The following SSB variants were observed in gnomAD, a reference collection of about 807,000 sequenced individuals.
SSB encodes the protein small RNA binding exonuclease protection factor La, also known as lupus La protein.
A neutral mutation model predicts 52.9 loss-of-function variants in SSB; 17 were observed. That is an observed-to-expected ratio of 0.32 (90% CI 0.22 to 0.48). The LOEUF is 0.48. SSB is among the 20% of genes least tolerant of loss of function. The pLI is 0.99. For missense variants in SSB, 314 were observed against 463.6 expected (o/e 0.68, Z 2.96); for synonymous variants, 111 against 152.1 (o/e 0.73, Z 1.99).
rs775290380 is a variant in SSB at position 169,807,006 on chromosome 2, T to C, written c.489T>C (p.Ser163=). Residue 163 remains serine, a synonymous_variant, in exon 6 of 12, where the codon TCT becomes TCC. Transcript: ENST00000260956. ...TTGTTGTGTTTGATAGCATTGAATC[T>C]GCTAAGAAATTTGTAGAGACCCCTG... ...SIFVVFDSIE[S]AKKFVETPGQ... 2.5e-6 allele frequency: 4 copies of C among 1,614,050 alleles called. No homozygotes were observed. Among genetic ancestry groups the C allele is most frequent in the East Asian group, 4.5e-5 (2 of 44,832 alleles).
At position 169,806,845 on chromosome 2, in the gene SSB, C is replaced by G; in HGVS notation, c.406C>G (p.Gln136Glu). 6.2e-7 allele frequency: 1 copy of G among 1,613,318 alleles called. No individual in the cohort carries two copies. Among genetic ancestry groups the G allele is most frequent in the Non-Finnish European group, 8.5e-7 (1 of 1,179,744 alleles). The change falls in exon 5 of 12, where the codon CAA (glutamine) becomes GAA (glutamate). Residue 136 changes from glutamine to glutamate, a missense_variant. Gln to Glu is a conservative substitution (Grantham distance 29). Transcript: ENST00000260956. ...DIKEWLEDKG[Q>E]VLNIQMRRTL... ...AAAAGAATGGTTAGAAGATAAAGGT[C>G]AAGTACTAAATATTCAGATGAGAAG...
Position 169,806,827 on chromosome 2 carries a change from T to C in SSB, c.388T>C (p.Trp130Arg). 1 of 1,613,160 alleles carries C rather than the reference T, an allele frequency of 6.2e-7. No homozygotes were observed. The highest frequency in any genetic ancestry group is 8.5e-7 in the Non-Finnish European group (1 of 1,179,722). ...TGCAACTCTTGATGACATAAAAGAA[T>C]GGTTAGAAGATAAAGGTCAAGTACT... Reference protein sequence around the residue: ...TDATLDDIKEWLEDKGQVLNI... With the variant: ...TDATLDDIKERLEDKGQVLNI... The change falls in exon 5 of 12, where the codon TGG (tryptophan) becomes CGG (arginine). Residue 130 changes from tryptophan to arginine, a missense_variant. By Grantham distance (101) the Trp-to-Arg change is moderately radical. Transcript: ENST00000260956.
intron 4 of SSB, 185 bp downstream of exon 4, chr2:169,806,024 G>A (rs1689822973): frequency 2.9e-6 from 2 of 679,724 alleles, no homozygotes; most frequent in Non-Finnish European, 5.2e-6. Flanking sequence ...ACGTTGGAGT[G>A]CAGTGGTGTG....
At chr2:169,801,428 C>T (rs1432437082) in intron 2 of SSB, among the ~76,000 whole-genome samples, 1 of 151,802 alleles carries the variant, frequency 6.6e-6, no homozygotes, top group East Asian at 1.9e-4. Flanking sequence ...AAAGTACCTT[C>T]CCTGTTAAAT....
rs767282588 is a variant in SSB, at chr2:169,810,364, A to G, written c.751A>G (p.Ile251Val). 2 of 1,610,598 alleles carry G rather than the reference A, an allele frequency of 1.2e-6. No individual in the cohort carries two copies. Among genetic ancestry groups the G allele is most frequent in the South Asian group, 2.2e-5 (2 of 90,242 alleles). The change falls in exon 9 of 12, where the codon ATA (isoleucine) becomes GTA (valine). Residue 251 changes from isoleucine (I) to valine (V), a missense_variant. Coordinates refer to ENST00000260956, the MANE Select transcript of SSB (RefSeq NM_003142.5). ...DDQTCREDLH[I>V]LFSNHGEIKW... ...TCAGACCTGTAGAGAAGATTTACACATACTTTTCTCAAATCATGGTGAAAT... is the reference window on the plus strand; with the variant it reads ...TCAGACCTGTAGAGAAGATTTACACGTACTTTTCTCAAATCATGGTGAAAT...
At chr2:169,810,787 C>A in intron 9 of SSB, 71 bp from the exon 10 acceptor site, 1 of 1,470,122 alleles carries the variant, frequency 6.8e-7, no homozygotes, top group Non-Finnish European at 9.2e-7. Flanking sequence ...GAAAAAATTA[C>A]TTTGGACAAA....
chr2:169,811,218 GCTGCCCAGC>G lies in SSB; in HGVS notation c.1037_1045del (p.Ala346_Pro348del). On this transcript the variant is annotated inframe_deletion, in exon 11 of 12. Coordinates refer to ENST00000260956, the MANE Select transcript of SSB (RefSeq NM_003142.5). The stretch of plus-strand genomic sequence containing the variant: ...TAAAGGAAAAGGAAAGGGTAATAAA[GCTGCCCAGC>G]CTGGGTCTGGTAAAGGAAAAGTACA... The G allele has an allele frequency of 1.2e-6, 2 of 1,611,966 alleles. No individual in the cohort carries two copies. Among genetic ancestry groups the G allele is most frequent in the Non-Finnish European group, 1.7e-6 (2 of 1,179,616 alleles).
chr2:169,810,101 TTTATTA>T (rs1036749587), intron 8 of SSB, 176 bp from the exon 9 acceptor site: 3 of 350,236 alleles, frequency 8.6e-6, no homozygotes, highest in Admixed American at 4.6e-5. Flanking sequence ...ACTTTATTTA[TTTATTA>T]TTATTATTAT....
intron 1 of SSB, among the ~76,000 whole-genome samples, chr2:169,799,695 C>A (rs1689668104): frequency 6.6e-6 from 1 of 151,672 alleles, no homozygotes; most frequent in Non-Finnish European, 1.5e-5. Flanking sequence ...ATAGACAAGA[C>A]AATGCATAAA....
chr2:169,811,699 CAAAG>C lies in SSB; in HGVS notation c.1173_1176del (p.Glu392AsnfsTer28). On this transcript the variant is annotated frameshift_variant, in exon 12 of 12. Coordinates refer to ENST00000260956, the MANE Select transcript of SSB (RefSeq NM_003142.5). LOFTEE classifies it high-confidence loss of function. ...TGAAAAGAGCAAGAGAAGAAACAGA[CAAAG>C]AAGAACCTGCATCCAAACAACAGAA... 6.2e-7 allele frequency: 1 copy of C among 1,613,058 alleles called. No individual in the cohort carries two copies. The highest frequency in any genetic ancestry group is 8.5e-7 in the Non-Finnish European group (1 of 1,179,518).
Position 169,807,049 on chromosome 2 carries a change from A to G in SSB, c.532A>G (p.Thr178Ala), listed in dbSNP as rs369947209. The G allele has an allele frequency of 1.2e-6, 2 of 1,613,964 alleles. No homozygotes were observed. The highest frequency in any genetic ancestry group is 1.7e-5 in the Admixed American group (1 of 60,006). Residue 178 changes from threonine to alanine, a missense_variant, in exon 6 of 12, where the codon ACA (threonine) becomes GCA (alanine). Coordinates refer to ENST00000260956, the MANE Select transcript of SSB (RefSeq NM_003142.5). Reference sequence around the variant, plus strand: ...GACCCCTGGCCAGAAGTACAAAGAAACAGACCTGCTAATACTTTTCAAGTA... The same window carrying G: ...GACCCCTGGCCAGAAGTACAAAGAAGCAGACCTGCTAATACTTTTCAAGTA... Reference protein sequence around the residue: ...VETPGQKYKETDLLILFKDDY... With the variant: ...VETPGQKYKEADLLILFKDDY...
rs753565091 is a variant in SSB at position 169,810,268 on chromosome 2, T to A, written c.670-15T>A. On this transcript the variant is annotated splice_polypyrimidine_tract_variant and intron_variant, in intron 8 of 11. Coordinates refer to ENST00000260956, the MANE Select transcript of SSB (RefSeq NM_003142.5). Reference sequence around the variant, plus strand: ...CTTTTAAGAAACTTTTTGATCACTTTGTATATTTTTATAGAAATCTCTAGA... The same window carrying A: ...CTTTTAAGAAACTTTTTGATCACTTAGTATATTTTTATAGAAATCTCTAGA... 49 of 1,590,554 alleles carry A rather than the reference T, an allele frequency of 3.1e-5. No individual in the cohort carries two copies. Among genetic ancestry groups the A allele is most frequent in the Non-Finnish European group, 3.8e-5 (45 of 1,171,520 alleles).
At chr2:169,811,553 G>A in intron 11 of SSB, 115 bp from the exon 12 acceptor site, 1 of 1,420,976 alleles carries the variant, frequency 7.0e-7, no homozygotes, top group Non-Finnish European at 9.4e-7. Flanking sequence ...TTTCTCATTG[G>A]TGCAAGGAAG....
At position 169,807,027 on chromosome 2, in the gene SSB, C is replaced by A. The variant is rs750722452; in HGVS notation, c.510C>A (p.Thr170=). 6.2e-7 allele frequency: 1 copy of A among 1,613,836 alleles called. No homozygotes were observed. The highest frequency in any genetic ancestry group is 8.5e-7 in the Non-Finnish European group (1 of 1,179,922). Residue 170 remains threonine, a synonymous_variant, in exon 6 of 12, where the codon ACC becomes ACA. Coordinates refer to ENST00000260956, the MANE Select transcript of SSB (RefSeq NM_003142.5). The part of the protein sequence containing the change: ...SIESAKKFVE[T]PGQKYKETDL... Reference sequence around the variant, plus strand: ...AATCTGCTAAGAAATTTGTAGAGACCCCTGGCCAGAAGTACAAAGAAACAG... The same window carrying A: ...AATCTGCTAAGAAATTTGTAGAGACACCTGGCCAGAAGTACAAAGAAACAG...
rs751375349 is a variant in SSB, at chr2:169,805,774, A to T, written c.280A>T (p.Ser94Cys). ...TAAAACTAAAATCAGAAGGTCTCCA[A>T]GCAAACCCCTACCTGAAGTGACTGA... The part of the protein sequence containing the change: ...EDKTKIRRSP[S>C]KPLPEVTDEY... Residue 94 changes from serine to cysteine, a missense_variant, in exon 4 of 12, where the codon AGC (serine) becomes TGC (cysteine). Coordinates refer to ENST00000260956, the MANE Select transcript of SSB (RefSeq NM_003142.5). 6.2e-6 allele frequency: 10 copies of T among 1,614,016 alleles called. No homozygotes were observed. In the African/African-American group the frequency reaches 9.3e-5, roughly 15 times the overall value.
intron 9 of SSB, 119 bp downstream of exon 9, chr2:169,810,542 TTTG>T (rs1689927615): frequency 4.3e-6 from 4 of 934,238 alleles, no homozygotes; most frequent in Non-Finnish European, 6.4e-6. Flanking sequence ...TACTTGATCA[TTTG>T]TTATTGCCAC....
chr2:169,811,431 G>A (rs2105706049), intron 11 of SSB, 108 bp downstream of exon 11: 2 of 1,362,248 alleles, frequency 1.5e-6, no homozygotes, highest in Non-Finnish European at 2.0e-6. Context: ...TCCTGGATAA[G>A]TGCCATTCTT....
At chr2:169,810,683 A>G in intron 9 of SSB, 175 bp from the exon 10 acceptor site, 1 of 687,060 alleles carries the variant, frequency 1.5e-6, no homozygotes, top group Non-Finnish European at 2.4e-6. Flanking sequence ...AACTGTTCAT[A>G]CTGATGATTG....
chr2:169,804,782 A>G (rs1573959062), intron 2 of SSB, among the ~76,000 whole-genome samples: 2 of 151,714 alleles, frequency 1.3e-5, no homozygotes, highest in African/African-American at 4.8e-5. Context: ...TTGACCTCCC[A>G]AAGTGCAGGG....
Sources: allele counts gnomAD v4.1 joint callset (sites outside exome capture counted in the v4.1 genomes callset), GRCh38; gene constraint gnomAD v4.1.1; transcripts MANE v1.5; gene names NCBI Gene and HGNC (gene_info 2026-07-23, HGNC 2026-07-21).